Variants in CADPS2 observed in about 807,000 individuals in gnomAD.
The protein encoded by CADPS2 is calcium dependent secretion activator 2.
Under a neutral mutation model 172.5 loss-of-function variants are expected in CADPS2, and 93 were observed. That is an observed-to-expected ratio of 0.54 (90% CI 0.46 to 0.64). CADPS2 has a LOEUF of 0.64. Ranked by LOEUF, CADPS2 falls within the 30% of genes least tolerant of loss-of-function variation. The pLI is 0.00. For synonymous variants in CADPS2, 546 were observed against 555.2 expected (o/e 0.98, Z 0.23); for missense variants, 1,420 against 1,565.9 (o/e 0.91, Z 1.57).
At chr7:122,701,809 T>A in intron 2 of CADPS2, 3 of 1,449,642 alleles carry the variant, frequency 2.1e-6, no homozygotes, top group Non-Finnish European at 2.8e-6. Flanking sequence ...TCTGGTTACA[T>A]CTTCAGAAAA....
At chr7:122,677,638 A>G (rs901706764) in intron 2 of CADPS2, among the ~76,000 whole-genome samples, 9 of 152,222 alleles carry the variant, frequency 5.9e-5, no homozygotes, top group African/African-American at 1.7e-4. Context: ...TTTATCTTAA[A>G]GGTAAACAAC....
intron 13 of CADPS2, among the ~76,000 whole-genome samples, chr7:122,472,163 G>A (rs1195421979): frequency 6.6e-6 from 1 of 152,170 alleles, no homozygotes; most frequent in Non-Finnish European, 1.5e-5. Flanking sequence ...AACACAGCAG[G>A]CAGTTGATGC....
chr7:122,816,498 G>GA (rs1450679524), intron 1 of CADPS2, among the ~76,000 whole-genome samples: 1 of 152,184 alleles, frequency 6.6e-6, no homozygotes, highest in Non-Finnish European at 1.5e-5. Context: ...CAATAAACCT[G>GA]AAAGTACAGG....
intron 1 of CADPS2, among the ~76,000 whole-genome samples, chr7:122,870,747 ATT>A (rs1441034565): frequency 4.6e-5 from 7 of 152,048 alleles, no homozygotes; most frequent in African/African-American, 1.7e-4. Flanking sequence ...ATACACAATT[ATT>A]TGTCACCCAA....
chr7:122,493,708 G>A (rs2058497756), intron 9 of CADPS2, among the ~76,000 whole-genome samples: 1 of 140,872 alleles, frequency 7.1e-6, no homozygotes, highest in Non-Finnish European at 1.5e-5. Context: ...GCCAAGCGTG[G>A]TTATGTTTAA....
chr7:122,550,767 C>T (rs574852224), intron 8 of CADPS2, among the ~76,000 whole-genome samples: 1 of 151,808 alleles, frequency 6.6e-6, no homozygotes, highest in South Asian at 2.1e-4. Context: ...GCTACAGACA[C>T]ACACACACAC....
intron 1 of CADPS2, among the ~76,000 whole-genome samples, chr7:122,799,435 TAA>T (rs1797087760): frequency 6.6e-6 from 1 of 151,736 alleles, no homozygotes; most frequent in Admixed American, 6.6e-5. Flanking sequence ...CCGTCTCTAC[TAA>T]AAATACAAAA....
chr7:122,518,419 A>G (rs1351445584), intron 8 of CADPS2, among the ~76,000 whole-genome samples: 1 of 152,146 alleles, frequency 6.6e-6, no homozygotes, highest in African/African-American at 2.4e-5. Flanking sequence ...GATCTTCAAT[A>G]GCTATTAACT....
intron 6 of CADPS2, among the ~76,000 whole-genome samples, chr7:122,587,858 C>A (rs2133094421): frequency 6.6e-6 from 1 of 152,238 alleles, no homozygotes; most frequent in Non-Finnish European, 1.5e-5. Context: ...TATTTCTCTG[C>A]AACCTTGCTA....
chr7:122,805,910 C>T (rs1477346449), intron 1 of CADPS2, among the ~76,000 whole-genome samples: 1 of 152,218 alleles, frequency 6.6e-6, no homozygotes, highest in Non-Finnish European at 1.5e-5. Flanking sequence ...GTAACATTAG[C>T]TCTTCATGGA....
chr7:122,656,091 TAGG>T (rs1450580050), intron 3 of CADPS2, among the ~76,000 whole-genome samples: 1 of 152,194 alleles, frequency 6.6e-6, no homozygotes, highest in Non-Finnish European at 1.5e-5. Context: ...CCATGAGTGG[TAGG>T]AATATTTACT....
rs574133907 is a variant in CADPS2, at chr7:122,787,144, A to G, written c.340-50076T>C. Among the ~76,000 whole-genome samples, 6 of 152,312 alleles carry G rather than the reference A, an allele frequency of 3.9e-5. No homozygotes were observed. The East Asian group carries it at 9.7e-4, about 25-fold the overall frequency. Reference sequence around the variant, plus strand: ...AAGCAATGAGGAACAGCTAATGTGCATATCAGCTGAATGATTTGAGCGTAG... The same window carrying G: ...AAGCAATGAGGAACAGCTAATGTGCGTATCAGCTGAATGATTTGAGCGTAG... On this transcript the variant is annotated intron_variant, in intron 1 of 29. Transcript: ENST00000449022.
At chr7:122,790,449 CA>C (rs951294472) in intron 1 of CADPS2, among the ~76,000 whole-genome samples, 2 of 149,846 alleles carry the variant, frequency 1.3e-5, no homozygotes, top group Admixed American at 6.7e-5. Context: ...GAATTTACTT[CA>C]AATGGGATTT....
At chr7:122,734,389 A>AAAAAAAAAAAAAAAAAAAAAAAAAG (rs2091980642) in intron 2 of CADPS2, among the ~76,000 whole-genome samples, 2 of 47,790 alleles carry the variant, frequency 4.2e-5, no homozygotes, top group African/African-American at 5.8e-5. Context: ...AAAAAAAAGA[A>AAAAAAAAAAAAAAAAAAAAAAAAAG]AAAAAAAAAA....
chr7:122,826,367 C>T (rs1037003517), intron 1 of CADPS2, among the ~76,000 whole-genome samples: 1 of 152,126 alleles, frequency 6.6e-6, no homozygotes, highest in Non-Finnish European at 1.5e-5. Flanking sequence ...AAACAACATC[C>T]CAAGTCTCAT....
At chr7:122,697,967 G>A in intron 2 of CADPS2, 1 of 1,613,358 alleles carries the variant, frequency 6.2e-7, no homozygotes, top group African/African-American at 1.3e-5. Context: ...ATTAGAACTT[G>A]CAAAGGTTCT....
At chr7:122,528,245 C>G (rs2061443216) in intron 8 of CADPS2, among the ~76,000 whole-genome samples, 9 of 151,634 alleles carry the variant, frequency 5.9e-5, no homozygotes, top group Admixed American at 5.9e-4. Context: ...CAGCTTTGTC[C>G]CATTTAAGGA....
chr7:122,488,405 C>T (rs1335872913), intron 11 of CADPS2, among the ~76,000 whole-genome samples: 1 of 152,160 alleles, frequency 6.6e-6, no homozygotes, highest in Non-Finnish European at 1.5e-5. Flanking sequence ...AGTGAGCACC[C>T]CTGTGCATAG....
chr7:122,356,282 G>C (rs1247943431), intron 27 of CADPS2, among the ~76,000 whole-genome samples: 1 of 152,102 alleles, frequency 6.6e-6, no homozygotes, highest in Non-Finnish European at 1.5e-5. Flanking sequence ...ATTTTGTAGT[G>C]TATCACCTAT....
Sources: gnomAD v4.1 joint callset for allele counts (sites outside exome capture counted in the v4.1 genomes callset) on GRCh38, gnomAD v4.1.1 for gene constraint, MANE v1.5 for transcripts, NCBI Gene and HGNC (gene_info 2026-07-23, HGNC 2026-07-21) for gene names.